Variants in RSRC1 observed in about 807,000 individuals in gnomAD.
RSRC1 encodes serine/Arginine-related protein 53.
A neutral mutation model predicts 49.1 loss-of-function variants in RSRC1; 39 were observed. That is an observed-to-expected ratio of 0.79 (90% CI 0.61 to 1.04). The LOEUF is 1.04. Among genes scored for constraint, RSRC1 ranks in the 50% least tolerant of loss-of-function variants. The pLI is 0.00. For missense variants in RSRC1, 388 were observed against 402.4 expected (o/e 0.96, Z 0.31); for synonymous variants, 143 against 130.8 (o/e 1.09, Z -0.63).
At chr3:158,306,554 T>C (rs1727850923) in intron 5 of RSRC1, among the ~76,000 whole-genome samples, 1 of 151,944 alleles carries the variant, frequency 6.6e-6, no homozygotes, top group African/African-American at 2.4e-5. Flanking sequence ...TGTGTAAGAA[T>C]AGGCTTATGA....
intron 7 of RSRC1, among the ~76,000 whole-genome samples, chr3:158,501,663 T>C (rs749757875): frequency 1.3e-5 from 2 of 152,220 alleles, no homozygotes; most frequent in African/African-American, 2.4e-5. Context: ...GATATAAGAA[T>C]AGCTACCCCT....
chr3:158,148,291 G>A (rs543257443), intron 3 of RSRC1, among the ~76,000 whole-genome samples: 1 of 152,182 alleles, frequency 6.6e-6, no homozygotes, highest in Admixed American at 6.5e-5. Context: ...AGTTGGGTTG[G>A]AGAAGCAATT....
At chr3:158,156,590 G>A (rs1252206606) in intron 3 of RSRC1, among the ~76,000 whole-genome samples, 1 of 152,172 alleles carries the variant, frequency 6.6e-6, no homozygotes, top group African/African-American at 2.4e-5. Context: ...TTTAAAGTGA[G>A]AGATGTATGA....
intron 7 of RSRC1, among the ~76,000 whole-genome samples, chr3:158,478,948 CAAAA>C (rs10603914): frequency 8.9e-6 from 1 of 112,288 alleles, no homozygotes; most frequent in Non-Finnish European, 1.9e-5. Context: ...GGAGAAAAAG[CAAAA>C]AAAAAAAAAA....
intron 3 of RSRC1, among the ~76,000 whole-genome samples, chr3:158,199,931 T>C (rs1467144662): frequency 1.3e-5 from 2 of 152,138 alleles, no homozygotes; most frequent in Non-Finnish European, 2.9e-5. Flanking sequence ...AAGTATCCAT[T>C]TTTATTTTGG....
chr3:158,215,298 G>GTT (rs34551128), intron 4 of RSRC1, among the ~76,000 whole-genome samples: 89 of 131,224 alleles, frequency 6.8e-4, no homozygotes, highest in Non-Finnish European at 1.2e-3. Context: ...CATATAGATA[G>GTT]TTTTTTTTTT....
intron 3 of RSRC1, among the ~76,000 whole-genome samples, chr3:158,197,030 A>C (rs1720667540): frequency 6.6e-6 from 1 of 152,200 alleles, no homozygotes; most frequent in Admixed American, 6.5e-5. Context: ...CGAGTTAGGG[A>C]TGATTCCCTC....
At chr3:158,490,704 A>G (rs1194229393) in intron 7 of RSRC1, among the ~76,000 whole-genome samples, 1 of 152,192 alleles carries the variant, frequency 6.6e-6, no homozygotes, top group Non-Finnish European at 1.5e-5. Context: ...TGTTGAGAAC[A>G]TATGTGATAG....
chr3:158,362,509 G>A (rs1238814096), intron 6 of RSRC1, among the ~76,000 whole-genome samples: 1 of 152,154 alleles, frequency 6.6e-6, no homozygotes, highest in Non-Finnish European at 1.5e-5. Flanking sequence ...ATGCTGATGT[G>A]CTCATTTTAA....
At chr3:158,313,794 A>T (rs1337372701) in intron 5 of RSRC1, among the ~76,000 whole-genome samples, 1 of 152,240 alleles carries the variant, frequency 6.6e-6, no homozygotes, top group Non-Finnish European at 1.5e-5. Flanking sequence ...TCATTTCTAA[A>T]GAAATTATTA....
At chr3:158,222,649 C>T (rs1722292194) in intron 4 of RSRC1, among the ~76,000 whole-genome samples, 1 of 151,630 alleles carries the variant, frequency 6.6e-6, no homozygotes, top group Non-Finnish European at 1.5e-5. Context: ...ACTCTAGTAT[C>T]ACTTCTTAAA....
intron 4 of RSRC1, among the ~76,000 whole-genome samples, chr3:158,244,948 T>G (rs966301769): frequency 5.9e-5 from 9 of 151,806 alleles, no homozygotes; most frequent in African/African-American, 1.9e-4. Flanking sequence ...GTTGGTTGTA[T>G]CTATTTTATT....
intron 5 of RSRC1, among the ~76,000 whole-genome samples, chr3:158,327,550 G>T (rs1163356682): frequency 6.6e-6 from 1 of 152,160 alleles, no homozygotes; most frequent in Non-Finnish European, 1.5e-5. Context: ...TTTTGAGTGA[G>T]TTTCTTAATC....
chr3:158,487,295 A>AT (rs141531441), intron 7 of RSRC1, among the ~76,000 whole-genome samples: 78,595 of 151,538 alleles, frequency 0.52, 20,881 homozygotes, highest in African/African-American at 0.64. Flanking sequence ...TCAATTTATA[A>AT]TTTGGAAGTG....
intron 3 of RSRC1, among the ~76,000 whole-genome samples, chr3:158,199,107 C>T (rs1485793656): frequency 6.6e-6 from 1 of 152,104 alleles, no homozygotes; most frequent in Non-Finnish European, 1.5e-5. Context: ...GTGATTGGGT[C>T]TCATGAGATC....
chr3:158,369,602 C>G (rs1373688651), intron 6 of RSRC1, among the ~76,000 whole-genome samples: 1 of 151,982 alleles, frequency 6.6e-6, no homozygotes, highest in Non-Finnish European at 1.5e-5. Context: ...ATAGACTGGA[C>G]CTTCACATGT....
At chr3:158,345,029 G>A (rs1034095496) in intron 5 of RSRC1, among the ~76,000 whole-genome samples, 3 of 151,784 alleles carry the variant, frequency 2.0e-5, no homozygotes, top group Non-Finnish European at 2.9e-5. Context: ...GACCAGTCTG[G>A]CCAACATGGT....
chr3:158,451,491 C>T (rs917564501), intron 6 of RSRC1, among the ~76,000 whole-genome samples: 2 of 151,874 alleles, frequency 1.3e-5, no homozygotes, highest in Admixed American at 6.6e-5. Flanking sequence ...CTTTTCTTTC[C>T]GGTGTGACCT....
intron 3 of RSRC1, among the ~76,000 whole-genome samples, chr3:158,125,703 T>G (rs563978764): frequency 6.6e-6 from 1 of 152,314 alleles, no homozygotes; most frequent in African/African-American, 2.4e-5. Context: ...GCTGCTGTTG[T>G]GTGGAGTGTT....
Sources: allele counts gnomAD v4.1 joint callset (sites outside exome capture counted in the v4.1 genomes callset), GRCh38; gene constraint gnomAD v4.1.1; transcripts MANE v1.5; gene names NCBI Gene and HGNC (gene_info 2026-07-23, HGNC 2026-07-21).